Variants in CYP46A1 observed in about 807,000 individuals in gnomAD.
CYP46A1 encodes the protein cholesterol 24-hydroxylase.
Under a neutral mutation model 63.3 loss-of-function variants are expected in CYP46A1, and 20 were observed. That is an observed-to-expected ratio of 0.32 (90% CI 0.22 to 0.46). The LOEUF (loss-of-function observed/expected upper bound fraction) is 0.46, where lower values mean the gene tolerates loss of function less well. CYP46A1 is among the 20% of genes least tolerant of loss of function. The pLI is 1.00. For synonymous variants in CYP46A1, 268 were observed against 273.6 expected, an observed-to-expected ratio of 0.98 and a Z score of 0.20; for missense variants, 445 against 670.8, an observed-to-expected ratio of 0.66 and a Z score of 3.72.
At chr14:99,701,496 G>A (rs2056630063) in intron 5 of CYP46A1, among the ~76,000 whole-genome samples, 1 of 152,180 alleles carries the variant, frequency 6.6e-6, no homozygotes, top group Non-Finnish European at 1.5e-5. Flanking sequence ...AGACCATATG[G>A]CCTAGGTGTG....
At chr14:99,696,436 T>C (rs1300317964) in intron 3 of CYP46A1, among the ~76,000 whole-genome samples, 1 of 152,134 alleles carries the variant, frequency 6.6e-6, no homozygotes, top group Non-Finnish European at 1.5e-5. Flanking sequence ...ATTGGTTCCT[T>C]TTCTCTCTTT....
At chr14:99,721,141 C>A (rs763143788) in intron 10 of CYP46A1, 98 bp from the exon 11 acceptor site, 87 of 826,486 alleles carry the variant, frequency 1.1e-4, no homozygotes, top group Non-Finnish European at 1.7e-4. Context: ...CCCCATGCGT[C>A]TCTCTTCACG....
At position 99,700,071 on chromosome 14, in the gene CYP46A1, G is replaced by A. The variant is rs1381511659; in HGVS notation, c.413G>A (p.Arg138Gln). ...AACTATGAGCGCTGGCACAAGCAGC[G>A]GAGAGTCATAGACCTGGCCTTCAGC... ...ECNYERWHKQ[R>Q]RVIDLAFSRS... The change falls in exon 5 of 15, where the codon CGG becomes CAG. Residue 138 changes from arginine (R) to glutamine (Q), a missense_variant. Arg to Gln is a conservative substitution (Grantham distance 43). Transcript: ENST00000261835. 4 of 1,609,238 alleles carry A rather than the reference G, an allele frequency of 2.5e-6. No homozygotes were observed. The highest frequency in any genetic ancestry group is 2.2e-5 in the East Asian group (1 of 44,668).
intron 3 of CYP46A1, chr14:99,695,424 A>G (rs775368175): frequency 2.3e-6 from 1 of 430,098 alleles, no homozygotes; most frequent in Non-Finnish European, 4.6e-6. Flanking sequence ...ATCTATTTCT[A>G]CTTTCAGTTC....
Position 99,684,396 on chromosome 14 carries a change from T to TGGCCTGCCCTGCCCC in CYP46A1, c.-19_-5dup. The stretch of plus-strand genomic sequence containing the variant: ...CTCGGCGCCCGGCCCGACCCTGGCC[T>TGGCCTGCCCTGCCCC]GGCCTGCCCTGCCCCGGAGCCATGA... On this transcript the variant is annotated 5_prime_UTR_variant, in exon 1 of 15. Coordinates refer to ENST00000261835, the MANE Select transcript of CYP46A1 (RefSeq NM_006668.2). 1 of 1,407,002 alleles carries TGGCCTGCCCTGCCCC rather than the reference T, an allele frequency of 7.1e-7. No individual in the cohort carries two copies. The highest frequency in any genetic ancestry group is 9.3e-7 in the Non-Finnish European group (1 of 1,079,560). The allele number at this position is 1,407,002 out of a possible 1,614,324, so 87.2% of individuals were successfully genotyped here.
At chr14:99,720,993 G>A (rs143540314) in intron 10 of CYP46A1, among the ~76,000 whole-genome samples, 6,208 of 152,240 alleles carry the variant, frequency 0.041, 212 homozygotes, top group Non-Finnish European at 0.053. Context: ...GCTGAGGCGG[G>A]AGAATTGCTT....
chr14:99,702,567 G>A (rs2056641043), intron 5 of CYP46A1, among the ~76,000 whole-genome samples: 1 of 152,084 alleles, frequency 6.6e-6, no homozygotes, highest in South Asian at 2.1e-4. Flanking sequence ...TGCCAGAATA[G>A]TGTAAGGGAC....
Position 99,700,080 on chromosome 14 carries a change from T to C in CYP46A1, c.422T>C (p.Ile141Thr). 1 of 1,593,368 alleles carries C rather than the reference T, an allele frequency of 6.3e-7. No homozygotes were observed. The highest frequency in any genetic ancestry group is 2.3e-5 in the East Asian group (1 of 43,672). The change falls in exon 5 of 15, where the codon ATA becomes ACA. Residue 141 changes from isoleucine (I) to threonine (T), a missense_variant. Around this residue, in one of 4 missense-constraint regions of CYP46A1, gnomAD observed 252 missense variants for 383.3 expected, o/e 0.66. Coordinates refer to ENST00000261835, the MANE Select transcript of CYP46A1 (RefSeq NM_006668.2). ...YERWHKQRRV[I>T]DLAFSRSSLV... ...CGCTGGCACAAGCAGCGGAGAGTCATAGACCTGGCCTTCAGCCGGAGGTGA... is the reference window on the plus strand; with the variant it reads ...CGCTGGCACAAGCAGCGGAGAGTCACAGACCTGGCCTTCAGCCGGAGGTGA...
chr14:99,717,874 G>A, intron 9 of CYP46A1, 180 bp from the exon 10 acceptor site: 1 of 520,372 alleles, frequency 1.9e-6, no homozygotes, highest in South Asian at 2.8e-5. Flanking sequence ...AAATGGAGGT[G>A]AGCACCTCCC....
intron 14 of CYP46A1, 123 bp downstream of exon 14, chr14:99,726,379 C>G (rs73350469): frequency 8.6e-7 from 1 of 1,156,918 alleles, no homozygotes. Flanking sequence ...CGGGACCCAG[C>G]GGAGCCAGAC....
chr14:99,714,685 G>C (rs2056770959), intron 7 of CYP46A1, among the ~76,000 whole-genome samples: 1 of 151,488 alleles, frequency 6.6e-6, no homozygotes. Context: ...ACCTGAACCT[G>C]GAAAATGGAG....
intron 6 of CYP46A1, 45 bp downstream of exon 6, chr14:99,706,830 G>T (rs760890018): frequency 1.3e-6 from 2 of 1,594,482 alleles, no homozygotes; most frequent in Non-Finnish European, 1.7e-6. Context: ...GGCCACATGG[G>T]GTAGAGGGGT....
chr14:99,718,947 C>T (rs950251523), intron 10 of CYP46A1, among the ~76,000 whole-genome samples: 1 of 151,826 alleles, frequency 6.6e-6, no homozygotes, highest in Admixed American at 6.6e-5. Flanking sequence ...CGGCACTTCG[C>T]TGTTAACTGC....
At chr14:99,716,270 C>T in intron 9 of CYP46A1, 71 bp downstream of exon 9, 13 of 1,548,516 alleles carry the variant, frequency 8.4e-6, no homozygotes, top group Non-Finnish European at 1.1e-5. Context: ...ATCCCTCAAA[C>T]CCAACTCTTT....
At chr14:99,702,001 C>T (rs1472711863) in intron 5 of CYP46A1, among the ~76,000 whole-genome samples, 1 of 137,694 alleles carries the variant, frequency 7.3e-6, no homozygotes, top group Non-Finnish European at 1.5e-5. Context: ...ACCTGGGAGG[C>T]GGAGGTTGAA....
intron 3 of CYP46A1, among the ~76,000 whole-genome samples, chr14:99,694,231 G>A (rs2056567277): frequency 6.6e-6 from 1 of 151,102 alleles, no homozygotes; most frequent in South Asian, 2.1e-4. Flanking sequence ...TATTTCAAGA[G>A]ATCTGTTCAC....
chr14:99,703,792 A>G, intron 5 of CYP46A1: 1 of 977,614 alleles, frequency 1.0e-6, no homozygotes, highest in Non-Finnish European at 1.2e-6. Flanking sequence ...GGCACCCCAC[A>G]AGCCCTCCAG....
intron 5 of CYP46A1, among the ~76,000 whole-genome samples, chr14:99,701,697 G>A (rs573190961): frequency 6.6e-6 from 1 of 152,172 alleles, no homozygotes; most frequent in Non-Finnish European, 1.5e-5. Context: ...TAAAGTGTAC[G>A]ATTCAATGGC....
Position 99,725,560 on chromosome 14 carries a change from C to T in CYP46A1, c.1265+81C>T, listed in dbSNP as rs989814082. 2.9e-6 allele frequency: 3 copies of T among 1,032,072 alleles called. No individual in the cohort carries two copies. The highest frequency in any genetic ancestry group is 4.5e-6 in the Non-Finnish European group (3 of 660,148). 63.9% of individuals were successfully genotyped at this position (1,032,072 alleles called of 1,614,324 possible). A position where few individuals can be genotyped will look rare whatever the true frequency, so the allele number is the denominator to read the frequency against. On this transcript the variant is annotated intron_variant, in intron 13 of 14. Transcript: ENST00000261835. The surrounding 1 kb of genome is among the most constrained non-coding windows in gnomAD (Gnocchi z 4.2). Reference sequence around the variant, plus strand: ...AGCGGCCTCTGGTCTGAGCCAGAGGCACCCACTCAGCCCACATAGCCTTCC... The same window carrying T: ...AGCGGCCTCTGGTCTGAGCCAGAGGTACCCACTCAGCCCACATAGCCTTCC...
Sources: allele counts gnomAD v4.1 joint callset (sites outside exome capture counted in the v4.1 genomes callset), GRCh38; gene constraint gnomAD v4.1.1; regional missense constraint gnomAD v4.1.1; non-coding constraint Gnocchi (gnomAD v3.1); transcripts MANE v1.5; gene names NCBI Gene and HGNC (gene_info 2026-07-23, HGNC 2026-07-21).